Variants in PHACTR3 observed in about 807,000 individuals in gnomAD.
PHACTR3 encodes phosphatase and actin regulator 3.
In PHACTR3, 16 loss-of-function variants were observed where a neutral mutation model predicts 66.8. That is an observed-to-expected ratio of 0.24 (90% CI 0.16 to 0.36). The LOEUF is 0.36. Ranked by LOEUF, PHACTR3 falls within the 10% of genes least tolerant of loss-of-function variation. The probability of loss-of-function intolerance (pLI) is 1.00; values close to 1 mark genes in which losing one functional copy is unlikely to be tolerated. For synonymous variants in PHACTR3, 323 were observed against 292.1 expected, an observed-to-expected ratio of 1.11 and a Z score of -1.08; for missense variants, 647 against 719.9, an observed-to-expected ratio of 0.90 and a Z score of 1.16.
intron 2 of PHACTR3, 75 bp from the exon 3 acceptor site, chr20:59,747,683 G>A (rs551244347): frequency 3.2e-4 from 495 of 1,523,880 alleles, no homozygotes; most frequent in Non-Finnish European, 4.1e-4. Flanking sequence ...CTTGAGCCTG[G>A]CATTGGCTGT....
chr20:59,629,595 C>G (rs2034590767), intron 1 of PHACTR3, among the ~76,000 whole-genome samples: 1 of 152,232 alleles, frequency 6.6e-6, no homozygotes, highest in Non-Finnish European at 1.5e-5. Context: ...GTTCTCTTCA[C>G]ATGATCATCC....
intron 1 of PHACTR3, among the ~76,000 whole-genome samples, chr20:59,614,019 T>C (rs1430520224): frequency 2.0e-5 from 3 of 152,210 alleles, no homozygotes; most frequent in Non-Finnish European, 4.4e-5. Context: ...CTCTAAACCC[T>C]TGAGGTAGGG....
At chr20:59,766,132 G>A (rs1248588034) in intron 4 of PHACTR3, among the ~76,000 whole-genome samples, 1 of 152,226 alleles carries the variant, frequency 6.6e-6, no homozygotes, top group African/African-American at 2.4e-5. Flanking sequence ...AGTTTCCCCT[G>A]TAAAGCTGGA....
intron 8 of PHACTR3, among the ~76,000 whole-genome samples, chr20:59,824,346 C>T (rs1256217996): frequency 6.6e-6 from 1 of 152,216 alleles, no homozygotes; most frequent in Non-Finnish European, 1.5e-5. Flanking sequence ...CAGCCTCTCT[C>T]CTCAGGTGAT....
At chr20:59,804,540 T>C (rs2146992770) in intron 7 of PHACTR3, among the ~76,000 whole-genome samples, 1 of 152,216 alleles carries the variant, frequency 6.6e-6, no homozygotes, top group East Asian at 1.9e-4. Context: ...CCTGCATTCA[T>C]GAATGTCACC....
intron 8 of PHACTR3, among the ~76,000 whole-genome samples, chr20:59,833,697 T>C (rs2042449766): frequency 6.6e-6 from 1 of 152,110 alleles, no homozygotes; most frequent in Non-Finnish European, 1.5e-5. Context: ...GGCTCAAGAA[T>C]TGTCTTGAGC....
chr20:59,740,648 G>GAT (rs1376592227), intron 1 of PHACTR3, among the ~76,000 whole-genome samples: 6 of 151,826 alleles, frequency 4.0e-5, no homozygotes, highest in African/African-American at 1.2e-4. Flanking sequence ...ACCTATCAGG[G>GAT]ATGATTATCA....
intron 1 of PHACTR3, among the ~76,000 whole-genome samples, chr20:59,710,405 T>C (rs368590254): frequency 6.6e-6 from 1 of 152,194 alleles, no homozygotes; most frequent in East Asian, 1.9e-4. Flanking sequence ...TTGAAGCTTG[T>C]TTTGTTTCTT....
intron 1 of PHACTR3, chr20:59,676,857 T>A: frequency 2.4e-6 from 1 of 408,958 alleles, no homozygotes; most frequent in Non-Finnish European, 3.3e-6. Flanking sequence ...TTGCAAATTC[T>A]AGCAGCAGCA....
chr20:59,620,572 C>T (rs186938115), intron 1 of PHACTR3, among the ~76,000 whole-genome samples: 1 of 152,264 alleles, frequency 6.6e-6, no homozygotes, highest in African/African-American at 2.4e-5. Context: ...CTTTTTAAAT[C>T]GAGTATATGC....
In PHACTR3 at chr20:59,767,390, T is replaced by C. The variant is rs149642762; in HGVS notation, c.746T>C (p.Val249Ala). 6.2e-7 allele frequency: 1 copy of C among 1,613,366 alleles called. No homozygotes were observed. The highest frequency in any genetic ancestry group is 1.3e-5 in the African/African-American group (1 of 74,910). ...PKASSKTTKN[V>A]TGQATLFQAS... ...GCAAGCTCCAAAACCACAAAAAATG[T>C]CACAGGTGGGTCCACATGCATCCTG... Residue 249 changes from valine (V) to alanine (A), a missense_variant, in exon 5 of 13, where the codon GTC becomes GCC. Val to Ala is a moderately conservative substitution (Grantham distance 64). This residue lies in a region of PHACTR3 where 577 missense variants were observed against 571.1 expected (regional missense o/e 1.01). Transcript: ENST00000371015.
At position 59,738,047 on chromosome 20, in the gene PHACTR3, G is replaced by A. The variant is rs2039016788; in HGVS notation, c.119-5060G>A. ...TAGTGCAGGTAGTGACGGTGGTCCT[G>A]GCAGTGATGGTGGTAGGGAGGGGGA... On this transcript the variant is annotated intron_variant, in intron 1 of 12. Coordinates refer to ENST00000371015, the MANE Select transcript of PHACTR3 (RefSeq NM_080672.5). The surrounding 1 kb of genome is among the most constrained non-coding windows in gnomAD (Gnocchi z 4.4). Among the ~76,000 whole-genome samples the A allele has an allele frequency of 6.6e-6, 1 of 152,042 alleles. No homozygotes were observed. Among genetic ancestry groups the A allele is most frequent in the Admixed American group, 6.5e-5 (1 of 15,274 alleles).
intron 1 of PHACTR3, among the ~76,000 whole-genome samples, chr20:59,624,994 C>T (rs767261382): frequency 1.1e-4 from 16 of 152,306 alleles, no homozygotes; most frequent in African/African-American, 3.6e-4. Context: ...GACATCTGGA[C>T]ATCATGTACC....
intron 1 of PHACTR3, among the ~76,000 whole-genome samples, chr20:59,589,903 C>G (rs1412501231): frequency 6.6e-6 from 1 of 152,242 alleles, no homozygotes; most frequent in Non-Finnish European, 1.5e-5. Context: ...ATTTCATGAT[C>G]TCCGCCTCCT....
At chr20:59,619,737 G>A (rs932938054) in intron 1 of PHACTR3, among the ~76,000 whole-genome samples, 7 of 152,308 alleles carry the variant, frequency 4.6e-5, no homozygotes, top group African/African-American at 9.6e-5. Context: ...AAACTAATAC[G>A]GGGAGGGAAG....
At chr20:59,743,970 C>T (rs1213565328) in intron 2 of PHACTR3, among the ~76,000 whole-genome samples, 3 of 152,184 alleles carry the variant, frequency 2.0e-5, no homozygotes, top group South Asian at 2.1e-4. Flanking sequence ...AGCGGGATTG[C>T]GATGGCTGGT....
chr20:59,676,894 T>G (rs1312599442), intron 1 of PHACTR3: 13 of 169,348 alleles, frequency 7.7e-5, no homozygotes, highest in African/African-American at 4.6e-4. Flanking sequence ...GCTTTTTTTT[T>G]TTGTTCTTGA....
chr20:59,652,911 CAT>C (rs1491480116), intron 1 of PHACTR3, among the ~76,000 whole-genome samples: 3 of 151,990 alleles, frequency 2.0e-5, no homozygotes, highest in Non-Finnish European at 2.9e-5. Flanking sequence ...TGTGCATTTT[CAT>C]GTGTGTGTGT....
chr20:59,749,096 C>T (rs886602506), intron 3 of PHACTR3, among the ~76,000 whole-genome samples: 3 of 152,144 alleles, frequency 2.0e-5, no homozygotes, highest in Non-Finnish European at 2.9e-5. Flanking sequence ...AGTCCCGTGG[C>T]ACTCAGATGG....
Sources: gnomAD v4.1 joint callset for allele counts (sites outside exome capture counted in the v4.1 genomes callset) on GRCh38, gnomAD v4.1.1 for gene constraint, gnomAD v4.1.1 regional missense constraint, Gnocchi (gnomAD v3.1) non-coding constraint, MANE v1.5 for transcripts, NCBI Gene and HGNC (gene_info 2026-07-23, HGNC 2026-07-21) for gene names.